SIRT4: variants seen among roughly 807,000 people sequenced by gnomAD.
The protein encoded by SIRT4 is NAD-dependent protein lipoamidase sirtuin-4, mitochondrial.
In SIRT4, 23 loss-of-function variants were observed where a neutral mutation model predicts 26.1. The ratio of observed to expected loss-of-function variants is 0.88; its 90% CI spans 0.63 to 1.25. The LOEUF is 1.25. SIRT4 is among the 50% of genes most tolerant of loss of function. The probability of loss-of-function intolerance (pLI) is 0.00; values close to 1 mark genes in which losing one functional copy is unlikely to be tolerated. For missense variants in SIRT4, 361 were observed against 405.4 expected, an observed-to-expected ratio of 0.89 and a Z score of 0.94; for synonymous variants, 155 against 158.4, an observed-to-expected ratio of 0.98 and a Z score of 0.16.
the SIRT4 span, chr12:120,293,098 C>G: frequency 6.6e-6 from 1 of 152,086 alleles, no homozygotes; most frequent in East Asian, 1.9e-4. Flanking sequence ...AAAATTCAGT[C>G]TCCGTAGAGA....
chr12:120,296,308 T>G, the SIRT4 span, among the ~76,000 whole-genome samples: 11 of 151,300 alleles, frequency 7.3e-5, no homozygotes, highest in Admixed American at 5.9e-4. Flanking sequence ...AGCTCCGCCT[T>G]CCGGGTTCAC....
the SIRT4 span, among the ~76,000 whole-genome samples, chr12:120,295,406 A>T: frequency 7.6e-6 from 1 of 132,298 alleles, no homozygotes; most frequent in Non-Finnish European, 1.6e-5. Context: ...ATGTATAAAT[A>T]TATATATAGA....
chr12:120,292,968 T>C, the SIRT4 span: 1 of 152,070 alleles, frequency 6.6e-6, no homozygotes, highest in African/African-American at 2.4e-5. Flanking sequence ...CTCTCGCGAA[T>C]CAGCTGGTAA....
At chr12:120,294,811 C>T in the SIRT4 span, among the ~76,000 whole-genome samples, 1 of 151,190 alleles carries the variant, frequency 6.6e-6, no homozygotes, top group Non-Finnish European at 1.5e-5. Flanking sequence ...AGCTGCCGCC[C>T]GGACCAACTG....
At chr12:120,305,114 C>T (rs1247521315) in intron 2 of SIRT4, among the ~76,000 whole-genome samples, 1 of 151,114 alleles carries the variant, frequency 6.6e-6, no homozygotes, top group Non-Finnish European at 1.5e-5. Context: ...AGATCATGAG[C>T]TGAGATCATG....
In SIRT4 at chr12:120,313,116, A is replaced by T; in HGVS notation, c.*80A>T. On this transcript the variant is annotated 3_prime_UTR_variant, in exon 4 of 4. Coordinates refer to ENST00000202967, the MANE Select transcript of SIRT4 (RefSeq NM_012240.3). The stretch of plus-strand genomic sequence containing the variant: ...CTAAATGTAAATGCCTTCTCAAATG[A>T]CAGATTCCAGTTCCCATTCAACAGA... The T allele has an allele frequency of 6.5e-7, 1 of 1,535,154 alleles. No homozygotes were observed. The highest frequency in any genetic ancestry group is 9.0e-7 in the Non-Finnish European group (1 of 1,114,744).
chr12:120,293,974 G>A, the SIRT4 span, among the ~76,000 whole-genome samples: 2 of 141,632 alleles, frequency 1.4e-5, no homozygotes, highest in South Asian at 4.6e-4. Flanking sequence ...TAATTTTATG[G>A]CTGAATAATA....
chr12:120,293,185 A>T, the SIRT4 span: 1 of 152,208 alleles, frequency 6.6e-6, no homozygotes, highest in Non-Finnish European at 1.5e-5. Flanking sequence ...AATTAGCAAT[A>T]ATCGCGCCTC....
chr12:120,305,242 CGTGT>C (rs34827089), intron 2 of SIRT4, among the ~76,000 whole-genome samples: 207 of 147,044 alleles, frequency 1.4e-3, no homozygotes, highest in East Asian at 4.8e-3. Flanking sequence ...TGTGTGTGCA[CGTGT>C]GTGTGTGTGT....
chr12:120,303,510 GAAA>G (rs201703830), intron 1 of SIRT4, 48 bp from the exon 2 acceptor site: 3 of 1,244,014 alleles, frequency 2.4e-6, no homozygotes, highest in Non-Finnish European at 3.3e-6. Context: ...CAAAAAATGA[GAAA>G]AAAAAAAAAC....
At chr12:120,300,205 T>A (rs187431032), upstream of SIRT4, among the ~76,000 whole-genome samples, 30 of 151,564 alleles carry the variant, frequency 2.0e-4, no homozygotes, top group African/African-American at 7.0e-4. Flanking sequence ...GGTTGGAGGA[T>A]CCCTTGGGCC....
rs370544884 is a variant in SIRT4, at chr12:120,310,331, A to G, written c.498-2125A>G. On this transcript the variant is annotated intron_variant, in intron 2 of 3. Coordinates refer to ENST00000202967, the MANE Select transcript of SIRT4 (RefSeq NM_012240.3). ...CAGTGAGCCGAGATCGCGCCATTGC[A>G]CTCCAGCCTGGGCGACAGAGCAAGA... Among the ~76,000 whole-genome samples the G allele has an allele frequency of 1.0e-3, 159 of 151,984 alleles. 1 individual carries two copies. Among genetic ancestry groups the G allele is most frequent in the African/African-American group, 3.7e-3 (154 of 41,478 alleles).
rs1337730197 is a variant in SIRT4 at position 120,313,124 on chromosome 12, C to T, written c.*88C>T. On this transcript the variant is annotated 3_prime_UTR_variant, in exon 4 of 4. Transcript: ENST00000202967. ...AAATGCCTTCTCAAATGACAGATTC[C>T]AGTTCCCATTCAACAGAGTAGGGTG... 4 of 1,484,064 alleles carry T rather than the reference C, an allele frequency of 2.7e-6. No homozygotes were observed. In the African/African-American group the frequency reaches 5.5e-5, roughly 21 times the overall value. The allele number at this position is 1,484,064 out of a possible 1,614,324, so 91.9% of individuals were successfully genotyped here.
At chr12:120,295,387 T>C in the SIRT4 span, among the ~76,000 whole-genome samples, 7 of 145,328 alleles carry the variant, frequency 4.8e-5, no homozygotes, top group African/African-American at 1.8e-4. Context: ...GCTAATTTTA[T>C]ATATATATAT....
At chr12:120,299,359 C>T (rs982398232), upstream of SIRT4, among the ~76,000 whole-genome samples, 53 of 150,952 alleles carry the variant, frequency 3.5e-4, no homozygotes, top group Middle Eastern at 7.0e-3. Context: ...CAAAACCAGC[C>T]TGGCCAACAT....
chr12:120,307,451 T>C (rs1566464542), intron 2 of SIRT4, among the ~76,000 whole-genome samples: 1 of 152,062 alleles, frequency 6.6e-6, no homozygotes, highest in African/African-American at 2.4e-5. Context: ...ATCGTGCCAT[T>C]GCACTCCAGC....
chr12:120,297,690 T>A (rs1872382704), upstream of SIRT4, among the ~76,000 whole-genome samples: 1 of 152,086 alleles, frequency 6.6e-6, no homozygotes, highest in Non-Finnish European at 1.5e-5. Flanking sequence ...AGAAGCACAA[T>A]AGAATTCCCA....
chr12:120,311,375 T>C (rs1592902338), intron 2 of SIRT4, among the ~76,000 whole-genome samples: 2 of 142,506 alleles, frequency 1.4e-5, no homozygotes, highest in African/African-American at 5.2e-5. Flanking sequence ...AAAAATAAAA[T>C]AAAAAAATAA....
intron 2 of SIRT4, among the ~76,000 whole-genome samples, chr12:120,310,600 G>A (rs2136841087): frequency 6.6e-6 from 1 of 152,096 alleles, no homozygotes; most frequent in East Asian, 2.0e-4. Context: ...GCTGGTTGTG[G>A]TGGCTCACAC....
Sources: allele counts gnomAD v4.1 joint callset (sites outside exome capture counted in the v4.1 genomes callset), GRCh38; gene constraint gnomAD v4.1.1; transcripts MANE v1.5; gene names NCBI Gene and HGNC (gene_info 2026-07-23, HGNC 2026-07-21).